Variants in ARHGAP32 observed in about 807,000 individuals in gnomAD.
The protein encoded by ARHGAP32 is rho GTPase-activating protein 32.
ARHGAP32 carries 51 observed loss-of-function variants against 186.5 expected under a neutral mutation model. The ratio of observed to expected loss-of-function variants is 0.27; its 90% confidence interval spans 0.22 to 0.35. The LOEUF is 0.35. ARHGAP32 is among the 10% of genes least tolerant of loss of function. The pLI, the probability that ARHGAP32 is intolerant of heterozygous loss-of-function variation, is 1.00. For missense variants in ARHGAP32, 2,186 were observed against 2,623.5 expected (o/e 0.83, Z 3.64); for synonymous variants, 950 against 964.3 (o/e 0.99, Z 0.27).
At chr11:129,278,590 A>T (rs1396535333) in intron 1 of ARHGAP32, among the ~76,000 whole-genome samples, 1 of 152,176 alleles carries the variant, frequency 6.6e-6, no homozygotes, top group Non-Finnish European at 1.5e-5. Context: ...GAAAAAAGGC[A>T]CTAATGCACC....
At chr11:129,196,983 G>A, upstream of ARHGAP32, among the ~76,000 whole-genome samples, 1 of 152,112 alleles carries the variant, frequency 6.6e-6, no homozygotes, top group East Asian at 1.9e-4. Flanking sequence ...CTTCAGCCTG[G>A]GAGGGAGAGG....
At chr11:129,183,194 C>T (rs964118585) in intron 1 of ARHGAP32, among the ~76,000 whole-genome samples, 4 of 152,056 alleles carry the variant, frequency 2.6e-5, no homozygotes, top group African/African-American at 9.7e-5. Flanking sequence ...CATAATACTT[C>T]TCTTCATGTC....
At position 129,089,606 on chromosome 11, in the gene ARHGAP32, C is replaced by T. The variant is rs189208266; in HGVS notation, c.531+4015G>A. 1.3e-3 allele frequency among the ~76,000 whole-genome samples: 193 copies of T among 152,250 alleles called. 1 individual carries two copies. Among genetic ancestry groups the T allele is most frequent in the Admixed American group, 3.1e-3 (48 of 15,306 alleles). ...ACATGATGTAGAAGAGGCAGGGATACCCAGATTGTGTAGGACCCTCGTAGA... is the reference window on the plus strand; with the variant it reads ...ACATGATGTAGAAGAGGCAGGGATATCCAGATTGTGTAGGACCCTCGTAGA... On this transcript the variant is annotated intron_variant, in intron 6 of 22. Coordinates refer to ENST00000682385, the MANE Select transcript of ARHGAP32 (RefSeq NM_001378024.1).
chr11:129,105,789 A>G (rs1260798144), intron 5 of ARHGAP32, among the ~76,000 whole-genome samples: 1 of 152,202 alleles, frequency 6.6e-6, no homozygotes, highest in Non-Finnish European at 1.5e-5. Flanking sequence ...GGAAAAAACA[A>G]AAACTGTACC....
Position 129,054,673 on chromosome 11 carries a change from C to T in ARHGAP32, c.963+7607G>A, listed in dbSNP as rs544722194. On this transcript the variant is annotated intron_variant, in intron 10 of 22. Coordinates refer to ENST00000682385, the MANE Select transcript of ARHGAP32 (RefSeq NM_001378024.1). ...AAGAACACAAATCTATTAATAATGC[C>T]AGTTAGTTTAAAAATAAAAAAAAGG... Among the ~76,000 whole-genome samples the T allele has an allele frequency of 1.8e-4, 28 of 152,050 alleles. No homozygotes were observed. The East Asian group carries it at 4.6e-3, about 25-fold the overall frequency.
In ARHGAP32 at chr11:129,066,873, TG is replaced by T; in HGVS notation, c.532-6del. ...TTTAACAATCCAACTTTTTCCCTAT[TG>T]GTAGAAAAAAGAAACTCATATAATT... On this transcript the variant is annotated splice_region_variant and splice_polypyrimidine_tract_variant and intron_variant, in intron 6 of 22. Coordinates refer to ENST00000682385, the MANE Select transcript of ARHGAP32 (RefSeq NM_001378024.1). The T allele has an allele frequency of 6.3e-7, 1 of 1,594,702 alleles. No homozygotes were observed.
chr11:128,988,239 G>T (rs489556), intron 12 of ARHGAP32, 114 bp from the exon 13 acceptor site: 24,326 of 733,422 alleles, frequency 0.033, 479 homozygotes, highest in Non-Finnish European at 0.042. Context: ...GTAAATTAAA[G>T]TTAAAAGGAG....
intron 11 of ARHGAP32, among the ~76,000 whole-genome samples, chr11:129,021,468 A>G (rs2134895130): frequency 6.6e-6 from 1 of 152,206 alleles, no homozygotes; most frequent in East Asian, 1.9e-4. Context: ...CCCTTCCTAG[A>G]GGAGTACACA....
chr11:128,984,310 G>A (rs1318202096), intron 15 of ARHGAP32, among the ~76,000 whole-genome samples: 4 of 152,040 alleles, frequency 2.6e-5, no homozygotes, highest in African/African-American at 9.7e-5. Context: ...GGGAGGCAGA[G>A]GCTGCAGGGA....
intron 1 of ARHGAP32, among the ~76,000 whole-genome samples, chr11:129,255,141 G>A (rs1945236958): frequency 6.6e-6 from 1 of 152,094 alleles, no homozygotes; most frequent in Non-Finnish European, 1.5e-5. Context: ...AACCAAACGT[G>A]TCATAAAGTT....
At chr11:129,115,148 C>T (rs1021023518) in intron 5 of ARHGAP32, among the ~76,000 whole-genome samples, 1 of 151,980 alleles carries the variant, frequency 6.6e-6, no homozygotes, top group African/African-American at 2.4e-5. Flanking sequence ...CGTGGAGACA[C>T]AAAAAAATGA....
intron 5 of ARHGAP32, among the ~76,000 whole-genome samples, chr11:129,120,203 G>C (rs1318322268): frequency 2.6e-5 from 4 of 152,046 alleles, no homozygotes; most frequent in African/African-American, 9.7e-5. Context: ...TCTGCTGATG[G>C]ACTGGATGTG....
chr11:129,223,232 T>C lies in ARHGAP32; in HGVS notation c.-5+55914A>G, dbSNP rs1234936045. Among the ~76,000 whole-genome samples the C allele has an allele frequency of 2.6e-5, 4 of 152,194 alleles. No individual in the cohort carries two copies. The East Asian group carries it at 7.7e-4, about 29-fold the overall frequency. ...TCAATAACCACATATGGCTAGTGGC[T>C]TCCTTACTGAACAAATATAAGTAGA... On this transcript the variant is annotated intron_variant, in intron 1 of 6. Coordinates refer to the ARHGAP32 transcript ENST00000525234.
chr11:129,003,459 GTTC>G (rs777402316), intron 11 of ARHGAP32, among the ~76,000 whole-genome samples: 4 of 152,240 alleles, frequency 2.6e-5, no homozygotes, highest in South Asian at 4.1e-4. Flanking sequence ...ATTGGTACTT[GTTC>G]TTCTTTGATT....
intron 3 of ARHGAP32, among the ~76,000 whole-genome samples, chr11:129,124,234 C>G (rs1182237633): frequency 6.6e-6 from 1 of 152,050 alleles, no homozygotes; most frequent in Non-Finnish European, 1.5e-5. Flanking sequence ...TAATGTTATA[C>G]AACATTTTAA....
chr11:129,010,186 A>G (rs1214016948), intron 11 of ARHGAP32, among the ~76,000 whole-genome samples: 2 of 152,084 alleles, frequency 1.3e-5, no homozygotes, highest in Non-Finnish European at 2.9e-5. Context: ...TAGACTCTGG[A>G]TATTAGACCT....
intron 6 of ARHGAP32, among the ~76,000 whole-genome samples, chr11:129,078,672 TAG>T (rs1941124025): frequency 6.6e-6 from 1 of 151,996 alleles, no homozygotes; most frequent in African/African-American, 2.4e-5. Flanking sequence ...TTTGTATTTT[TAG>T]TAGAGACAGG....
chr11:129,118,950 C>G (rs1942447472), intron 5 of ARHGAP32, among the ~76,000 whole-genome samples: 1 of 152,028 alleles, frequency 6.6e-6, no homozygotes, highest in Non-Finnish European at 1.5e-5. Flanking sequence ...GATGTTTCAA[C>G]AAGCTACTTC....
chr11:129,204,375 G>A (rs1250572432), intron 1 of ARHGAP32, among the ~76,000 whole-genome samples: 1 of 152,032 alleles, frequency 6.6e-6, no homozygotes, highest in Admixed American at 6.6e-5. Flanking sequence ...TCTGGGGAGA[G>A]GTCAGGAAGA....
Sources: allele counts gnomAD v4.1 joint callset (sites outside exome capture counted in the v4.1 genomes callset), GRCh38; gene constraint gnomAD v4.1.1; transcripts MANE v1.5; gene names NCBI Gene and HGNC (gene_info 2026-07-23, HGNC 2026-07-21).